PM20D2: variants seen among roughly 807,000 people sequenced by gnomAD.
PM20D2 encodes the protein peptidase M20 domain containing 2, also known as xaa-Arg dipeptidase.
PM20D2 carries 33 observed loss-of-function variants against 42.9 expected under a neutral mutation model. The ratio of observed to expected loss-of-function variants is 0.77; its 90% CI spans 0.58 to 1.03. PM20D2 has a LOEUF of 1.03. PM20D2 is among the 50% of genes least tolerant of loss of function. The pLI, the probability that PM20D2 is intolerant of heterozygous loss-of-function variation, is 0.00. For synonymous variants in PM20D2, 250 were observed against 228.2 expected (o/e 1.10, Z -0.86); for missense variants, 548 against 557.0 (o/e 0.98, Z 0.16).
chr6:89,130,819 CTTTTTTTTTTT>C, the PM20D2 span, among the ~76,000 whole-genome samples: 12 of 24,052 alleles, frequency 5.0e-4, no homozygotes, highest in East Asian at 0.013. Flanking sequence ...GCTTCTTCTT[CTTTTTTTTTTT>C]TTTTTTTTTT....
chr6:89,102,557 A>C, the PM20D2 span, among the ~76,000 whole-genome samples: 1 of 152,192 alleles, frequency 6.6e-6, no homozygotes, highest in Non-Finnish European at 1.5e-5. Flanking sequence ...GTAGGAAGCA[A>C]AATGAAGAAA....
At chr6:89,159,936 G>A (rs540473924) in intron 5 of PM20D2, among the ~76,000 whole-genome samples, 5 of 152,294 alleles carry the variant, frequency 3.3e-5, no homozygotes, top group Non-Finnish European at 5.9e-5. Context: ...GCTCTACCCC[G>A]GGTTTGGGTT....
the PM20D2 span, among the ~76,000 whole-genome samples, chr6:89,107,954 T>G: frequency 6.6e-6 from 1 of 152,192 alleles, no homozygotes; most frequent in South Asian, 2.1e-4. Context: ...AAGAACACAT[T>G]CATTTTGCTT....
the PM20D2 span, among the ~76,000 whole-genome samples, chr6:89,102,805 G>C: frequency 6.6e-6 from 1 of 152,150 alleles, no homozygotes; most frequent in Non-Finnish European, 1.5e-5. Flanking sequence ...AGGTTGGAGT[G>C]CAGTGGTGCA....
intron 5 of PM20D2, 78 bp downstream of exon 5, chr6:89,158,538 T>C: frequency 6.6e-7 from 1 of 1,519,218 alleles, no homozygotes. Context: ...TTGTATTTAA[T>C]GGTTTGGGAG....
chr6:89,099,464 GTGTGTGTATA>G, the PM20D2 span, among the ~76,000 whole-genome samples: 1 of 134,798 alleles, frequency 7.4e-6, no homozygotes, highest in Non-Finnish European at 1.5e-5. Flanking sequence ...GTGTATATAT[GTGTGTGTATA>G]TATATATGTG....
the PM20D2 span, among the ~76,000 whole-genome samples, chr6:89,099,786 C>T: frequency 6.6e-6 from 1 of 152,046 alleles, no homozygotes; most frequent in African/African-American, 2.4e-5. Context: ...CCCCCTGCCT[C>T]GGCCTCCTAA....
the PM20D2 span, among the ~76,000 whole-genome samples, chr6:89,139,292 C>T: frequency 6.6e-6 from 1 of 152,086 alleles, no homozygotes; most frequent in Non-Finnish European, 1.5e-5. Context: ...TCAGGCTGGT[C>T]TCAAACTCCT....
chr6:89,138,733 T>G, the PM20D2 span, among the ~76,000 whole-genome samples: 1 of 152,116 alleles, frequency 6.6e-6, no homozygotes, highest in Non-Finnish European at 1.5e-5. Context: ...GGTGTAGTGG[T>G]GCACTCCTGT....
At chr6:89,116,400 A>T in the PM20D2 span, among the ~76,000 whole-genome samples, 6 of 152,264 alleles carry the variant, frequency 3.9e-5, no homozygotes, top group Non-Finnish European at 8.8e-5. Flanking sequence ...GAAGAAATGT[A>T]AACAAGGCAC....
chr6:89,125,710 T>C, the PM20D2 span, among the ~76,000 whole-genome samples: 1 of 148,768 alleles, frequency 6.7e-6, no homozygotes, highest in East Asian at 2.0e-4. Flanking sequence ...TTGAGCCCAG[T>C]AGGCGGACGT....
chr6:89,121,004 G>A, the PM20D2 span, among the ~76,000 whole-genome samples: 2 of 151,896 alleles, frequency 1.3e-5, no homozygotes, highest in Non-Finnish European at 2.9e-5. Context: ...AGTATTGTCA[G>A]ATTTTTTTAA....
chr6:89,149,629 C>T (rs1770759139), intron 2 of PM20D2, among the ~76,000 whole-genome samples: 2 of 152,128 alleles, frequency 1.3e-5, no homozygotes, highest in Non-Finnish European at 2.9e-5. Context: ...AATAGTAGCA[C>T]TTAGAAACCA....
the PM20D2 span, among the ~76,000 whole-genome samples, chr6:89,133,984 G>A: frequency 0.058 from 8,725 of 151,306 alleles, 398 homozygotes; most frequent in Non-Finnish European, 0.084. Context: ...GGTCTGTCCC[G>A]CAGACCTTGA....
chr6:89,103,787 C>G, the PM20D2 span, among the ~76,000 whole-genome samples: 1 of 152,114 alleles, frequency 6.6e-6, no homozygotes, highest in Non-Finnish European at 1.5e-5. Flanking sequence ...TTGTGATTCA[C>G]TATTATTCTA....
At chr6:89,095,342 C>T in the PM20D2 span, among the ~76,000 whole-genome samples, 1 of 152,162 alleles carries the variant, frequency 6.6e-6, no homozygotes, top group African/African-American at 2.4e-5. Flanking sequence ...TCTCGCGCCT[C>T]AGCCTCCTGA....
chr6:89,115,589 T>G, the PM20D2 span, among the ~76,000 whole-genome samples: 1 of 149,444 alleles, frequency 6.7e-6, no homozygotes, highest in Admixed American at 6.6e-5. Context: ...GCCTTATATT[T>G]TACAGCTTTC....
At position 89,158,390 on chromosome 6, in the gene PM20D2, C is replaced by T; in HGVS notation, c.978C>T (p.Ala326=). The T allele has an allele frequency of 6.2e-7, 1 of 1,612,150 alleles. No individual in the cohort carries two copies. ...NVLPNKSLWK[A]YMENGRKLGI... ...TTCCCAATAAGAGCCTATGGAAAGC[C>T]TATATGGAAAATGGAAGAAAGCTAG... is the stretch of plus-strand genomic sequence containing the variant. Residue 326 remains alanine, a synonymous_variant, in exon 5 of 7, where the codon GCC becomes GCT. Transcript: ENST00000275072.
the PM20D2 span, chr6:89,117,915 T>C: frequency 6.4e-7 from 1 of 1,552,032 alleles, no homozygotes; most frequent in South Asian, 1.2e-5. Context: ...CCTCCGGGTC[T>C]GCCCGCGGCC....
Sources: allele counts gnomAD v4.1 joint callset (sites outside exome capture counted in the v4.1 genomes callset), GRCh38; gene constraint gnomAD v4.1.1; transcripts MANE v1.5; gene names NCBI Gene and HGNC (gene_info 2026-07-23, HGNC 2026-07-21).